Variants in TRNAU1AP observed in about 807,000 individuals in gnomAD.
TRNAU1AP encodes the protein tRNA selenocysteine 1-associated protein 1.
In TRNAU1AP, 33 loss-of-function variants were observed where a neutral mutation model predicts 43.3. The ratio of observed to expected loss-of-function variants is 0.76; its 90% CI spans 0.58 to 1.02. The LOEUF is 1.02. Among genes scored for constraint, TRNAU1AP ranks in the 50% least tolerant of loss-of-function variants. The pLI, the probability that TRNAU1AP is intolerant of heterozygous loss-of-function variation, is 0.00. For missense variants in TRNAU1AP, 290 were observed against 362.7 expected, an observed-to-expected ratio of 0.80 and a Z score of 1.63; for synonymous variants, 143 against 129.1, an observed-to-expected ratio of 1.11 and a Z score of -0.73.
At chr1:28,565,892 G>A (rs879707975) in intron 5 of TRNAU1AP, 1 of 152,156 alleles carries the variant, frequency 6.6e-6, no homozygotes, top group Non-Finnish European at 1.5e-5. Flanking sequence ...CAACAGGTGT[G>A]GCTTTGAATC....
chr1:28,570,282 T>G (rs1262464094), intron 6 of TRNAU1AP, among the ~76,000 whole-genome samples: 2 of 151,954 alleles, frequency 1.3e-5, no homozygotes, highest in East Asian at 3.9e-4. Flanking sequence ...AGTTTCACTT[T>G]TATTGCCCAG....
At chr1:28,573,430 A>G (rs1292352605) in intron 8 of TRNAU1AP, among the ~76,000 whole-genome samples, 2 of 151,528 alleles carry the variant, frequency 1.3e-5, no homozygotes, top group African/African-American at 4.8e-5. Flanking sequence ...CATGAGGTTA[A>G]GAGATCGAGA....
Position 28,553,715 on chromosome 1 carries a change from A to G in TRNAU1AP, c.103A>G (p.Ile35Val). Reference protein sequence around the residue: ...TMGETVMSVKIIRNRLTGIPA... With the variant: ...TMGETVMSVKVIRNRLTGIPA... ...GGGGGAGACCGTAATGAGCGTCAAA[A>G]TTATCCGAAACCGCCTCACTGGGTA... The change falls in exon 2 of 9, where the codon ATT becomes GTT. Residue 35 changes from isoleucine to valine, a missense_variant. By Grantham distance (29) the Ile-to-Val change is conservative (BLOSUM62 3). Around this residue, in one of 3 missense-constraint regions of TRNAU1AP, gnomAD observed 59 missense variants for 45.5 expected, o/e 1.30. Transcript: ENST00000373830. 2.5e-6 allele frequency: 4 copies of G among 1,614,150 alleles called. No individual in the cohort carries two copies. The highest frequency in any genetic ancestry group is 3.4e-6 in the Non-Finnish European group (4 of 1,180,020).
At chr1:28,571,116 C>A in intron 6 of TRNAU1AP, 60 bp from the exon 7 acceptor site, 1 of 1,530,676 alleles carries the variant, frequency 6.5e-7, no homozygotes, top group South Asian at 1.1e-5. Flanking sequence ...TCTGTGGCCA[C>A]ATAGGCAGTG....
chr1:28,569,667 G>A (rs1422859189), intron 6 of TRNAU1AP, among the ~76,000 whole-genome samples: 1 of 148,648 alleles, frequency 6.7e-6, no homozygotes, highest in Admixed American at 6.8e-5. Context: ...ACTCCAGCCT[G>A]GGTGACAGTG....
At chr1:28,563,050 T>C (rs1304983159) in intron 4 of TRNAU1AP, among the ~76,000 whole-genome samples, 1 of 151,632 alleles carries the variant, frequency 6.6e-6, no homozygotes, top group East Asian at 2.0e-4. Flanking sequence ...CACCTGCCAA[T>C]GCGCCCAGCT....
Position 28,560,279 on chromosome 1 carries a change from CT to C in TRNAU1AP, c.126-337del, listed in dbSNP as rs61583725. On this transcript the variant is annotated intron_variant, in intron 2 of 8. Transcript: ENST00000373830. ...TTCAAGGCCAAGACCCATCTTGAGC[CT>C]TTTTTTTTTTTTTTTTAAAACAGTC... Among the ~76,000 whole-genome samples the C allele has an allele frequency of 6.3e-3, 872 of 137,668 alleles. 2 individuals are homozygous for C. Among genetic ancestry groups the C allele is most frequent in the African/African-American group, 0.01 (390 of 37,178 alleles). 90.3% of individuals were successfully genotyped at this position (137,668 alleles called of 152,430 possible). A position where few individuals can be genotyped will look rare whatever the true frequency, so the allele number is the denominator to read the frequency against.
At chr1:28,573,269 A>G (rs1403819825) in intron 8 of TRNAU1AP, among the ~76,000 whole-genome samples, 1 of 2,766 alleles carries the variant, frequency 3.6e-4, no homozygotes, top group Non-Finnish European at 6.0e-4. Context: ...CGACCTCGTG[A>G]TCCGCCTGCC....
chr1:28,560,816 T>C, intron 3 of TRNAU1AP, 84 bp downstream of exon 3: 3 of 1,167,190 alleles, frequency 2.6e-6, no homozygotes, highest in South Asian at 2.9e-5. Flanking sequence ...TGTATACTTA[T>C]TTTATTTAAT....
intron 4 of TRNAU1AP, among the ~76,000 whole-genome samples, chr1:28,562,082 TAAAA>T (rs1444716370): frequency 6.6e-6 from 1 of 152,134 alleles, no homozygotes; most frequent in African/African-American, 2.4e-5. Flanking sequence ...GACCCTGTCT[TAAAA>T]AAGAAACCCA....
rs1665560579 is a variant in TRNAU1AP, at chr1:28,567,207, A to G, written c.411-87A>G. ...TCTTTTCCTTTCTACATTCCTGCCC[A>G]CCTTCTTATCCTTACTTCTTTTTCA... On this transcript the variant is annotated intron_variant, in intron 5 of 8. Transcript: ENST00000373830. The G allele has an allele frequency of 2.8e-5, 41 of 1,449,614 alleles. No homozygotes were observed. In the South Asian group the frequency reaches 3.5e-4, roughly 13 times the overall value. 89.8% of individuals were successfully genotyped at this position (1,449,614 alleles called of 1,614,324 possible).
intron 2 of TRNAU1AP, 97 bp downstream of exon 2, chr1:28,553,834 A>G (rs937117311): frequency 9.5e-7 from 1 of 1,047,560 alleles, no homozygotes; most frequent in Admixed American, 2.0e-5. Context: ...TACCCCTAGT[A>G]ATAGTCACTG....
intron 5 of TRNAU1AP, 55 bp downstream of exon 5, chr1:28,564,889 C>G: frequency 6.2e-7 from 1 of 1,609,070 alleles, no homozygotes; most frequent in South Asian, 1.1e-5. Context: ...CCTTTCTCTC[C>G]TGAGTGGAGG....
chr1:28,570,139 C>T (rs1278074190), intron 6 of TRNAU1AP, among the ~76,000 whole-genome samples: 1 of 152,158 alleles, frequency 6.6e-6, no homozygotes, highest in African/African-American at 2.4e-5. Context: ...GGTGAAACCT[C>T]ATCTCTGCTA....
In TRNAU1AP at chr1:28,564,742, C is replaced by T. The variant is rs367739070; in HGVS notation, c.318C>T (p.Asp106=). Reference sequence around the variant, plus strand: ...TCTTTGTGGGGGACCTGACCCCGGACGTGGATGATGGCATGCTGTATGAAT... The same window carrying T: ...TCTTTGTGGGGGACCTGACCCCGGATGTGGATGATGGCATGCTGTATGAAT... ...YSLFVGDLTP[D]VDDGMLYEFF... is the part of the protein sequence containing the mutation. Residue 106 remains aspartate (D), a synonymous_variant, in exon 5 of 9, where the codon GAC becomes GAT. Coordinates refer to ENST00000373830, the MANE Select transcript of TRNAU1AP (RefSeq NM_017846.5). The T allele has an allele frequency of 2.7e-5, 43 of 1,613,912 alleles. 1 individual carries two copies. In the South Asian group the frequency reaches 3.0e-4, roughly 11 times the overall value.
intron 6 of TRNAU1AP, among the ~76,000 whole-genome samples, chr1:28,570,063 C>A (rs1665631258): frequency 6.6e-6 from 1 of 152,068 alleles, no homozygotes; most frequent in Non-Finnish European, 1.5e-5. Context: ...GTAATCCCAA[C>A]ACTTTGGGAG....
At chr1:28,555,974 C>T (rs1292041800) in intron 2 of TRNAU1AP, among the ~76,000 whole-genome samples, 2 of 152,010 alleles carry the variant, frequency 1.3e-5, no homozygotes, top group Non-Finnish European at 2.9e-5. Flanking sequence ...CTGCCTCAGC[C>T]TCCCAAGTAG....
At position 28,554,198 on chromosome 1, in the gene TRNAU1AP, CA is replaced by C. The variant is rs537146796; in HGVS notation, c.125+475del. On this transcript the variant is annotated intron_variant, in intron 2 of 8. Transcript: ENST00000373830. ...GGACAACAAGAGCAAAACAATGTCT[CA>C]AAAAAAAAAAAAACAAAAAAACAAA... The C allele has an allele frequency of 7.3e-3, 629 of 85,634 alleles. 7 individuals are homozygous for C. The highest frequency in any genetic ancestry group is 0.027 in the African/African-American group (468 of 17,346). The allele number at this position is 85,634 out of a possible 1,614,324, so 5.3% of individuals were successfully genotyped here. A position where few individuals can be genotyped will look rare whatever the true frequency, so the allele number is the denominator to read the frequency against.
chr1:28,577,415 A>G, intron 8 of TRNAU1AP, 85 bp from the exon 9 acceptor site: 1 of 1,491,244 alleles, frequency 6.7e-7, no homozygotes, highest in Non-Finnish European at 9.1e-7. Flanking sequence ...TTACCATAGA[A>G]CAGAGTTCTG....
Sources: allele counts gnomAD v4.1 joint callset (sites outside exome capture counted in the v4.1 genomes callset), GRCh38; gene constraint gnomAD v4.1.1; regional missense constraint gnomAD v4.1.1; transcripts MANE v1.5; gene names NCBI Gene and HGNC (gene_info 2026-07-23, HGNC 2026-07-21).